ZDHHC4: variants seen among roughly 807,000 people sequenced by gnomAD.
ZDHHC4 encodes the protein palmitoyltransferase ZDHHC4.
In ZDHHC4, 42 loss-of-function variants were observed where a neutral mutation model predicts 36.7. The observed-to-expected ratio is 1.14, with a 90% CI of 0.89 to 1.48. The LOEUF is 1.48. ZDHHC4 is among the 40% of genes most tolerant of loss of function. The probability of loss-of-function intolerance (pLI) is 0.00; values close to 1 mark genes in which losing one functional copy is unlikely to be tolerated. For missense variants in ZDHHC4, 457 were observed against 421.5 expected (o/e 1.08, Z -0.74); for synonymous variants, 189 against 166.6 (o/e 1.13, Z -1.03).
chr7:6,582,389 G>A, intron 5 of ZDHHC4, 138 bp downstream of exon 5: 1 of 866,276 alleles, frequency 1.2e-6, no homozygotes, highest in Non-Finnish European at 1.7e-6. Flanking sequence ...TCAGTTTTGA[G>A]TGTTTTCTAA....
intron 2 of ZDHHC4, among the ~76,000 whole-genome samples, chr7:6,579,061 T>G (rs1583374989): frequency 6.6e-6 from 1 of 151,928 alleles, no homozygotes; most frequent in African/African-American, 2.4e-5. Flanking sequence ...TGGGTTCAAG[T>G]GATCCTCCCA....
intron 7 of ZDHHC4, among the ~76,000 whole-genome samples, chr7:6,587,704 C>T (rs1025478252): frequency 6.6e-6 from 1 of 152,050 alleles, no homozygotes; most frequent in African/African-American, 2.4e-5. Flanking sequence ...CAGAGTTTAC[C>T]CTTCCTGACG....
intron 7 of ZDHHC4, 132 bp from the exon 8 acceptor site, chr7:6,588,485 C>A: frequency 1.1e-6 from 1 of 905,730 alleles, no homozygotes; most frequent in Non-Finnish European, 1.7e-6. Flanking sequence ...TTCAGTTTGT[C>A]ACATCTGGAC....
chr7:6,582,089 G>T lies in ZDHHC4; in HGVS notation c.208G>T (p.Val70Phe). 1 of 1,613,790 alleles carries T rather than the reference G, an allele frequency of 6.2e-7. No homozygotes were observed. Among genetic ancestry groups the T allele is most frequent in the African/African-American group, 1.3e-5 (1 of 75,032 alleles). Reference protein sequence around the residue: ...LFHTRNHTFIVLHLVLQGMVY... With the variant: ...LFHTRNHTFIFLHLVLQGMVY... ...TTCTTTCAGAAACCACACCTTCATT[G>T]TCCTGCACCTGGTCTTGCAAGGGAT... is the stretch of plus-strand genomic sequence containing the variant. The change falls in exon 5 of 8, where the codon GTC (valine) becomes TTC (phenylalanine). Residue 70 changes from valine to phenylalanine, a missense_variant. Transcript: ENST00000335965.
At chr7:6,581,745 C>T in intron 4 of ZDHHC4, 65 bp downstream of exon 4, 2 of 1,341,502 alleles carry the variant, frequency 1.5e-6, no homozygotes, top group Non-Finnish European at 2.1e-6. Flanking sequence ...TGTTGAGATC[C>T]TCTAGCTTCA....
In ZDHHC4 at chr7:6,582,095, C is replaced by T. The variant is rs1314581007; in HGVS notation, c.214C>T (p.His72Tyr). Residue 72 changes from histidine to tyrosine, a missense_variant, in exon 5 of 8, where the codon CAC becomes TAC. Coordinates refer to ENST00000335965, the MANE Select transcript of ZDHHC4 (RefSeq NM_001134389.2). ...CAGAAACCACACCTTCATTGTCCTG[C>T]ACCTGGTCTTGCAAGGGATGGTTTA... Reference protein sequence around the residue: ...HTRNHTFIVLHLVLQGMVYTE... With the variant: ...HTRNHTFIVLYLVLQGMVYTE... 1.2e-6 allele frequency: 2 copies of T among 1,613,886 alleles called. No homozygotes were observed. The highest frequency in any genetic ancestry group is 1.7e-6 in the Non-Finnish European group (2 of 1,179,944).
At chr7:6,579,894 G>A (rs999642411) in intron 2 of ZDHHC4, among the ~76,000 whole-genome samples, 1 of 152,052 alleles carries the variant, frequency 6.6e-6, no homozygotes, top group Admixed American at 6.6e-5. Flanking sequence ...CCAGCACTTT[G>A]GGAGGCCGAG....
chr7:6,582,061 G>A lies in ZDHHC4; in HGVS notation c.192-12G>A, dbSNP rs533133688. On this transcript the variant is annotated splice_polypyrimidine_tract_variant and intron_variant, in intron 4 of 7. Coordinates refer to ENST00000335965, the MANE Select transcript of ZDHHC4 (RefSeq NM_001134389.2). ...AAACCCCCATGAACAAGCCATGCCTGTTTTCTTTCAGAAACCACACCTTCA... is the reference window on the plus strand; with the variant it reads ...AAACCCCCATGAACAAGCCATGCCTATTTTCTTTCAGAAACCACACCTTCA... 6.2e-6 allele frequency: 10 copies of A among 1,608,118 alleles called. No individual in the cohort carries two copies. The highest frequency in any genetic ancestry group is 2.7e-5 in the African/African-American group (2 of 74,790).
chr7:6,580,595 G>C lies in ZDHHC4; in HGVS notation c.34G>C (p.Ala12Pro). The C allele has an allele frequency of 6.2e-7, 1 of 1,614,092 alleles. No homozygotes were observed. The highest frequency in any genetic ancestry group is 1.1e-5 in the South Asian group (1 of 91,086). ...TCTGGTCCTCTTCTTGTTCTACCTG[G>C]CTTCGGTGCTGATGGGTCTTGTTCT... ...DFLVLFLFYL[A>P]SVLMGLVLIC... Residue 12 changes from alanine (A) to proline (P), a missense_variant, in exon 3 of 8, where the codon GCT (alanine) becomes CCT (proline). Transcript: ENST00000335965.
rs1040747425 is a variant in ZDHHC4 at position 6,577,895 on chromosome 7, C to T, written c.-163+397C>T. Among the ~76,000 whole-genome samples the T allele has an allele frequency of 6.4e-4, 97 of 152,292 alleles. 1 individual carries two copies. Among genetic ancestry groups the T allele is most frequent in the Non-Finnish European group, 9.7e-4 (66 of 68,016 alleles). ...TTTCCCAGGCTGTAGTGCAGTGGCGCGATCTCGGCTTACTGCACCCTCCGC... is the reference window on the plus strand; with the variant it reads ...TTTCCCAGGCTGTAGTGCAGTGGCGTGATCTCGGCTTACTGCACCCTCCGC... On this transcript the variant is annotated intron_variant, in intron 1 of 7. Coordinates refer to ENST00000335965, the MANE Select transcript of ZDHHC4 (RefSeq NM_001134389.2).
rs150962128 is a variant in ZDHHC4, at chr7:6,585,574, A to G, written c.741+314A>G. Among the ~76,000 whole-genome samples, 84 of 152,168 alleles carry G rather than the reference A, an allele frequency of 5.5e-4. No individual in the cohort carries two copies. In the East Asian group the frequency reaches 0.015, roughly 28 times the overall value. ...AATCCTAGCACTTTGAGAAGCTAAGACAAGCAGATTGCCTGAGCTCAGGAG... is the reference window on the plus strand; with the variant it reads ...AATCCTAGCACTTTGAGAAGCTAAGGCAAGCAGATTGCCTGAGCTCAGGAG... On this transcript the variant is annotated intron_variant, in intron 7 of 7. Coordinates refer to ENST00000335965, the MANE Select transcript of ZDHHC4 (RefSeq NM_001134389.2).
intron 7 of ZDHHC4, among the ~76,000 whole-genome samples, chr7:6,588,375 A>G (rs987181889): frequency 6.6e-6 from 1 of 152,238 alleles, no homozygotes; most frequent in Admixed American, 6.5e-5. Context: ...TTTCCTAAGT[A>G]AACTTTCCCT....
intron 5 of ZDHHC4, 128 bp from the exon 6 acceptor site, chr7:6,583,177 CA>C (rs368971592): frequency 0.15 from 119,379 of 794,108 alleles, 2 homozygotes; most frequent in South Asian, 0.23. Context: ...AAGACTGTCT[CA>C]AAAAAAAAAA....
chr7:6,587,267 GT>G (rs1000351181), intron 7 of ZDHHC4, among the ~76,000 whole-genome samples: 1 of 151,988 alleles, frequency 6.6e-6, no homozygotes, highest in Non-Finnish European at 1.5e-5. Context: ...TTGTTATACT[GT>G]TTTTTTGTTT....
chr7:6,582,325 G>A, intron 5 of ZDHHC4, 74 bp downstream of exon 5: 1 of 1,348,874 alleles, frequency 7.4e-7, no homozygotes, highest in Non-Finnish European at 1.0e-6. Flanking sequence ...AACAAGGAGA[G>A]GCCCCCCCTG....
intron 5 of ZDHHC4, among the ~76,000 whole-genome samples, chr7:6,582,804 C>A (rs1780954570): frequency 6.6e-6 from 1 of 152,192 alleles, no homozygotes; most frequent in Admixed American, 6.5e-5. Context: ...GCGTGAGCCA[C>A]CGCACTGGCA....
At chr7:6,581,127 C>A in intron 3 of ZDHHC4, 1 of 227,098 alleles carries the variant, frequency 4.4e-6, no homozygotes, top group Non-Finnish European at 8.5e-6. Flanking sequence ...GCCTGGGGCA[C>A]TTAATGGGTG....
At chr7:6,586,505 C>G (rs564085238) in intron 7 of ZDHHC4, among the ~76,000 whole-genome samples, 1 of 152,132 alleles carries the variant, frequency 6.6e-6, no homozygotes, top group Non-Finnish European at 1.5e-5. Context: ...GATGGAGTCT[C>G]GCTCTTGTTG....
intron 7 of ZDHHC4, 116 bp downstream of exon 7, chr7:6,585,376 C>T: frequency 7.0e-7 from 1 of 1,427,334 alleles, no homozygotes; most frequent in South Asian, 1.4e-5. Flanking sequence ...ATAATCCCAG[C>T]ACTTTTGGAG....
Sources: gnomAD v4.1 joint callset for allele counts (sites outside exome capture counted in the v4.1 genomes callset) on GRCh38, gnomAD v4.1.1 for gene constraint, MANE v1.5 for transcripts, NCBI Gene and HGNC (gene_info 2026-07-23, HGNC 2026-07-21) for gene names.